Variants in ATP8A1 observed in about 807,000 individuals in gnomAD.
ATP8A1 encodes the protein phospholipid-transporting ATPase IA.
A neutral mutation model predicts 177.7 loss-of-function variants in ATP8A1; 90 were observed. The ratio of observed to expected loss-of-function variants is 0.51; its 90% CI spans 0.43 to 0.60. The LOEUF (loss-of-function observed/expected upper bound fraction) is 0.60. Among genes scored for constraint, ATP8A1 ranks in the 20% least tolerant of loss-of-function variants. The pLI, the probability that ATP8A1 is intolerant of heterozygous loss-of-function variation, is 0.00. For missense variants in ATP8A1, 1,072 were observed against 1,392.8 expected (o/e 0.77, Z 3.67); for synonymous variants, 493 against 485.9 (o/e 1.01, Z -0.19).
Position 42,465,093 on chromosome 4 carries a change from T to C in ATP8A1, c.2325-17A>G. 6.3e-7 allele frequency: 1 copy of C among 1,599,964 alleles called. No homozygotes were observed. Among genetic ancestry groups the C allele is most frequent in the Non-Finnish European group, 8.5e-7 (1 of 1,170,026 alleles). On this transcript the variant is annotated splice_polypyrimidine_tract_variant and intron_variant, in intron 25 of 36. Transcript: ENST00000381668. ...GGAGAAACCCTGAAATTGAAACACA[T>C]TATCAATTACTGTTTTCTGAAAAAA... is the stretch of plus-strand genomic sequence containing the variant.
rs1331334025 is a variant in ATP8A1, at chr4:42,556,060, G to C, written c.1341-20C>G. On this transcript the variant is annotated intron_variant, in intron 15 of 36. Coordinates refer to ENST00000381668, the MANE Select transcript of ATP8A1 (RefSeq NM_006095.2). The stretch of plus-strand genomic sequence containing the variant: ...TTCTGCCTGAAGGGGGTAAAAAATA[G>C]AGTAAACCCAGTTCATTTATACCAG... The C allele has an allele frequency of 6.3e-7, 1 of 1,576,768 alleles. No individual in the cohort carries two copies. Among genetic ancestry groups the C allele is most frequent in the African/African-American group, 1.3e-5 (1 of 74,100 alleles).
intron 33 of ATP8A1, among the ~76,000 whole-genome samples, chr4:42,436,210 T>C (rs1560321542): frequency 6.6e-6 from 1 of 152,166 alleles, no homozygotes; most frequent in African/African-American, 2.4e-5. Context: ...CTCTCGTTTA[T>C]GACATCAATG....
intron 33 of ATP8A1, among the ~76,000 whole-genome samples, chr4:42,426,842 C>G (rs1423988729): frequency 2.0e-5 from 3 of 152,054 alleles, no homozygotes; most frequent in Non-Finnish European, 4.4e-5. Context: ...GAAACATAGG[C>G]CAAAGTAAGA....
intron 16 of ATP8A1, among the ~76,000 whole-genome samples, chr4:42,554,635 C>T (rs1433450468): frequency 6.6e-6 from 1 of 152,132 alleles, no homozygotes; most frequent in African/African-American, 2.4e-5. Context: ...TTGGGACATA[C>T]TGGGTTTGAA....
chr4:42,649,084 C>CA (rs1468225338), intron 1 of ATP8A1, among the ~76,000 whole-genome samples: 1 of 152,084 alleles, frequency 6.6e-6, no homozygotes, highest in African/African-American at 2.4e-5. Flanking sequence ...GAAAGGTGTA[C>CA]AAAAAGATAC....
At chr4:42,616,473 AACT>A (rs1353911365) in intron 4 of ATP8A1, among the ~76,000 whole-genome samples, 19 of 152,236 alleles carry the variant, frequency 1.2e-4, no homozygotes, top group African/African-American at 4.3e-4. Flanking sequence ...TATCTATAAT[AACT>A]ACTGTTTAAT....
chr4:42,482,692 G>T (rs1272731733), intron 25 of ATP8A1, among the ~76,000 whole-genome samples: 2 of 151,992 alleles, frequency 1.3e-5, no homozygotes, highest in African/African-American at 4.8e-5. Flanking sequence ...TATGCTGATA[G>T]TATCTGGGAA....
chr4:42,566,033 G>T (rs1731307193), intron 15 of ATP8A1, among the ~76,000 whole-genome samples: 1 of 152,090 alleles, frequency 6.6e-6, no homozygotes, highest in Admixed American at 6.6e-5. Context: ...TACTGGTTGG[G>T]AAATAGTTTT....
At chr4:42,602,763 C>T (rs963118207) in intron 5 of ATP8A1, among the ~76,000 whole-genome samples, 5 of 151,150 alleles carry the variant, frequency 3.3e-5, no homozygotes, top group Admixed American at 6.6e-5. Flanking sequence ...AGCAAGACTC[C>T]GTCTCAAAAA....
intron 19 of ATP8A1, among the ~76,000 whole-genome samples, chr4:42,547,904 T>A (rs1257789050): frequency 2.0e-5 from 3 of 152,234 alleles, no homozygotes; most frequent in African/African-American, 7.2e-5. Context: ...TGATGGACAC[T>A]TATTTCCTTG....
At chr4:42,468,464 T>C (rs28661732) in intron 25 of ATP8A1, among the ~76,000 whole-genome samples, 80,070 of 148,708 alleles carry the variant, frequency 0.54, 21,694 homozygotes, top group East Asian at 0.81. Flanking sequence ...GACACACACA[T>C]ACACATATAT....
At position 42,444,861 on chromosome 4, in the gene ATP8A1, T is replaced by A. The variant is rs190002759; in HGVS notation, c.2959-227A>T. On this transcript the variant is annotated intron_variant, in intron 31 of 36. Coordinates refer to ENST00000381668, the MANE Select transcript of ATP8A1 (RefSeq NM_006095.2). ...GGCAGCACTGCACTTCCGGCTTCCT[T>A]GCCTCTCCCTCACCTGCACAGCCTG... is the stretch of plus-strand genomic sequence containing the variant. Among the ~76,000 whole-genome samples the A allele has an allele frequency of 2.6e-5, 4 of 152,314 alleles. No homozygotes were observed. In the East Asian group the frequency reaches 7.7e-4, roughly 29 times the overall value.
In ATP8A1 at chr4:42,458,640, T is replaced by G. The variant is rs1007226699; in HGVS notation, c.2620-3041A>C. Among the ~76,000 whole-genome samples, 3 of 152,230 alleles carry G rather than the reference T, an allele frequency of 2.0e-5. No individual in the cohort carries two copies. In the East Asian group the frequency reaches 5.8e-4, roughly 29 times the overall value. On this transcript the variant is annotated intron_variant, in intron 27 of 36. Transcript: ENST00000381668. Reference sequence around the variant, plus strand: ...CTGTAATTTACAGCAATGGAATATCTAGATAGTGACTTTCCTAAGCAATAT... The same window carrying G: ...CTGTAATTTACAGCAATGGAATATCGAGATAGTGACTTTCCTAAGCAATAT...
chr4:42,656,556 T>A (rs1382149358), intron 1 of ATP8A1, among the ~76,000 whole-genome samples: 4 of 151,968 alleles, frequency 2.6e-5, no homozygotes, highest in Non-Finnish European at 5.9e-5. Context: ...GTGAGCTCAG[T>A]GACTGGGACC....
intron 22 of ATP8A1, among the ~76,000 whole-genome samples, chr4:42,521,665 C>T (rs199977259): frequency 6.2e-4 from 95 of 152,010 alleles, no homozygotes; most frequent in Non-Finnish European, 1.1e-3. Context: ...TTTACAGCTG[C>T]GACAGAAATA....
intron 7 of ATP8A1, among the ~76,000 whole-genome samples, 164 bp downstream of exon 7, chr4:42,590,647 A>G (rs1734072157): frequency 6.6e-6 from 1 of 152,200 alleles, no homozygotes; most frequent in African/African-American, 2.4e-5. Flanking sequence ...ATAGTATTCA[A>G]AAATCCCTTT....
rs1455131181 is a variant in ATP8A1 at position 42,482,333 on chromosome 4, AC to A, written c.2324+3162del. 2.4e-4 allele frequency among the ~76,000 whole-genome samples: 23 copies of A among 94,632 alleles called. No individual in the cohort carries two copies. In the East Asian group the frequency reaches 4.6e-3, roughly 19 times the overall value. 62.1% of individuals were successfully genotyped at this position (94,632 alleles called of 152,430 possible). A position where few individuals can be genotyped will look rare whatever the true frequency, so the allele number is the denominator to read the frequency against. On this transcript the variant is annotated intron_variant, in intron 25 of 36. Transcript: ENST00000381668. The stretch of plus-strand genomic sequence containing the variant: ...AACAAAAAAACAAACAAACAAACAA[AC>A]AAAAAAAAAAAAGAAAAGAAAATAC...
At chr4:42,594,390 T>C (rs758254089) in intron 6 of ATP8A1, 1 of 1,256,738 alleles carries the variant, frequency 8.0e-7, no homozygotes, top group Non-Finnish European at 1.2e-6. Flanking sequence ...ATTGGTTAAT[T>C]ATCTGCATTG....
chr4:42,540,564 A>AC (rs1379559258), intron 20 of ATP8A1, among the ~76,000 whole-genome samples: 1 of 152,040 alleles, frequency 6.6e-6, no homozygotes, highest in African/African-American at 2.4e-5. Flanking sequence ...AAAAAAAAAA[A>AC]ACAGGTGTAT....
Sources: allele counts gnomAD v4.1 joint callset (sites outside exome capture counted in the v4.1 genomes callset), GRCh38; gene constraint gnomAD v4.1.1; transcripts MANE v1.5; gene names NCBI Gene and HGNC (gene_info 2026-07-23, HGNC 2026-07-21).